Variants in ZNF469 observed in about 807,000 individuals in gnomAD.
The protein encoded by ZNF469 is zinc finger protein 469.
In ZNF469, 1 loss-of-function variant was observed where a neutral mutation model predicts 1.0. The ratio of observed to expected loss-of-function variants is 1.00; its 90% confidence interval spans 0.35 to 4.73. The LOEUF is 4.73. Among genes scored for constraint, ZNF469 ranks in the 30% most tolerant of loss-of-function variants. The probability of loss-of-function intolerance (pLI) is 0.16; values close to 1 mark genes in which losing one functional copy is unlikely to be tolerated. For missense variants in ZNF469, 6,100 were observed against 5,356.3 expected, an observed-to-expected ratio of 1.14 and a Z score of -4.33; for synonymous variants, 2,703 against 2,363.4, an observed-to-expected ratio of 1.14 and a Z score of -4.17.
In ZNF469 at chr16:88,430,917, C is replaced by A. The variant is rs1225496222; in HGVS notation, c.3447C>A (p.Asp1149Glu). Residue 1149 changes from aspartate (D) to glutamate (E), a missense_variant, in exon 3 of 3, where the codon GAC becomes GAA. Physicochemically the swap from Asp to Glu is conservative, Grantham distance 45. Coordinates refer to ENST00000565624, the MANE Select transcript of ZNF469 (RefSeq NM_001367624.2). ...CGGCGAGGCAGGAAGCCGGCGGGGACGGAGCCCCCGCGAACCCCGAGGAGC... is the reference window on the plus strand; with the variant it reads ...CGGCGAGGCAGGAAGCCGGCGGGGAAGGAGCCCCCGCGAACCCCGAGGAGC... ...RKAARQEAGGDGAPANPEEPG... is the reference protein window; with the variant it reads ...RKAARQEAGGEGAPANPEEPG... 6 of 1,536,736 alleles carry A rather than the reference C, an allele frequency of 3.9e-6. No individual in the cohort carries two copies. In the Admixed American group the frequency reaches 9.9e-5, roughly 25 times the overall value.
the ZNF469 span, among the ~76,000 whole-genome samples, chr16:88,320,361 G>T: frequency 6.6e-6 from 1 of 152,128 alleles, no homozygotes. Flanking sequence ...ATTTCTTAAA[G>T]GCTGACCACG....
At chr16:88,221,454 G>T in the ZNF469 span, among the ~76,000 whole-genome samples, 11 of 152,314 alleles carry the variant, frequency 7.2e-5, no homozygotes, top group Non-Finnish European at 4.4e-5. Flanking sequence ...GAGGTTGTGG[G>T]GCCAGGATAC....
the ZNF469 span, among the ~76,000 whole-genome samples, chr16:88,199,415 C>G: frequency 2.6e-5 from 4 of 152,236 alleles, no homozygotes; most frequent in Non-Finnish European, 4.4e-5. Context: ...TCCGCCGGCC[C>G]ACATGTCCCT....
chr16:88,243,926 ATATATATATATATATATATATAT>A, the ZNF469 span, among the ~76,000 whole-genome samples: 6 of 88,294 alleles, frequency 6.8e-5, no homozygotes, highest in South Asian at 1.1e-3. Context: ...ATATATATAT[ATATATATATATATATATATATAT>A]ATAAATGTAT....
chr16:88,256,899 T>TC, the ZNF469 span, among the ~76,000 whole-genome samples: 8 of 13,232 alleles, frequency 6.0e-4, no homozygotes, highest in Non-Finnish European at 8.2e-4. Flanking sequence ...TCTTTCCTTC[T>TC]TTCTTTCTTT....
the ZNF469 span, among the ~76,000 whole-genome samples, chr16:88,280,152 A>AT: frequency 6.7e-6 from 1 of 149,804 alleles, no homozygotes; most frequent in East Asian, 2.0e-4. Context: ...CTGTGTAGAT[A>AT]TCAGTGCACG....
At chr16:88,381,309 T>TC (rs2092524248), upstream of ZNF469, among the ~76,000 whole-genome samples, 1 of 124,274 alleles carries the variant, frequency 8.0e-6, no homozygotes, top group Admixed American at 8.0e-5. Context: ...CATGCACTCA[T>TC]GCACTCACAC....
chr16:88,400,642 GCTCTGTCC>G (rs1162597618), intron 1 of ZNF469, among the ~76,000 whole-genome samples: 1 of 152,174 alleles, frequency 6.6e-6, no homozygotes, highest in Non-Finnish European at 1.5e-5. Flanking sequence ...CCCAGAGCCA[GCTCTGTCC>G]CCACAGTCAT....
chr16:88,278,955 A>G, the ZNF469 span, among the ~76,000 whole-genome samples: 1 of 151,356 alleles, frequency 6.6e-6, no homozygotes, highest in Non-Finnish European at 1.5e-5. Context: ...GCGTGTAGAT[A>G]TCATTAGTGC....
In ZNF469 at chr16:88,434,442, G is replaced by A; in HGVS notation, c.6972G>A (p.Arg2324=). The A allele has an allele frequency of 6.5e-7, 1 of 1,549,752 alleles. No homozygotes were observed. The highest frequency in any genetic ancestry group is 8.7e-7 in the Non-Finnish European group (1 of 1,146,940). The part of the protein sequence containing the change: ...PPHTNPDRMP[R]GHSSYSPSNT... ...ACACCAACCCTGACAGGATGCCCAG[G>A]GGCCACTCCTCGTATTCTCCAAGCA... Residue 2324 remains arginine, a synonymous_variant, in exon 3 of 3, where the codon AGG becomes AGA. Coordinates refer to ENST00000565624, the MANE Select transcript of ZNF469 (RefSeq NM_001367624.2).
In ZNF469 at chr16:88,434,706, C is replaced by A. The variant is rs758501052; in HGVS notation, c.7236C>A (p.Ser2412Arg). 11 of 1,550,256 alleles carry A rather than the reference C, an allele frequency of 7.1e-6. No individual in the cohort carries two copies. In the African/African-American group the frequency reaches 1.2e-4, roughly 17 times the overall value. ...GCTTGGGAAGAACCACAGCCCCAAG[C>A]AGCACAGCCAGTGACTTCCAGTCTG... is the stretch of plus-strand genomic sequence containing the variant. ...GLGLGRTTAP[S>R]STASDFQSDS... is the part of the protein sequence containing the mutation. The change falls in exon 3 of 3, where the codon AGC becomes AGA. Residue 2412 changes from serine to arginine, a missense_variant. Transcript: ENST00000565624.
chr16:88,402,804 C>T (rs1238454320), intron 1 of ZNF469, among the ~76,000 whole-genome samples: 1 of 152,204 alleles, frequency 6.6e-6, no homozygotes, highest in African/African-American at 2.4e-5. Context: ...ACTGAACTCC[C>T]TTATGCACTT....
At chr16:88,112,170 G>C in the ZNF469 span, among the ~76,000 whole-genome samples, 21,956 of 150,928 alleles carry the variant, frequency 0.15, 1,989 homozygotes, top group East Asian at 0.34. Context: ...CAGGCGCGTT[G>C]GCTAACGCCT....
the ZNF469 span, among the ~76,000 whole-genome samples, chr16:88,254,379 T>C: frequency 6.6e-6 from 1 of 152,212 alleles, no homozygotes; most frequent in Non-Finnish European, 1.5e-5. Context: ...CATACACCAA[T>C]ATAATACTTT....
chr16:88,264,620 C>A, the ZNF469 span, among the ~76,000 whole-genome samples: 1 of 150,386 alleles, frequency 6.6e-6, no homozygotes, highest in African/African-American at 2.4e-5. Flanking sequence ...CCTCCCACAT[C>A]CCCCTCCCCA....
chr16:88,148,846 T>A, the ZNF469 span, among the ~76,000 whole-genome samples: 1 of 152,162 alleles, frequency 6.6e-6, no homozygotes, highest in Non-Finnish European at 1.5e-5. Context: ...CATCCCCTTG[T>A]GTGGCCATGA....
At chr16:88,427,322 T>G in intron 2 of ZNF469, 23 bp from the exon 3 acceptor site, 1 of 840,214 alleles carries the variant, frequency 1.2e-6, no homozygotes, top group Non-Finnish European at 1.7e-6. Context: ...TCTGCCCCAC[T>G]CACCCCTGAC....
chr16:88,293,553 A>C, the ZNF469 span, among the ~76,000 whole-genome samples: 1 of 152,144 alleles, frequency 6.6e-6, no homozygotes, highest in Non-Finnish European at 1.5e-5. Context: ...GGAAAGGGAA[A>C]TGATGATCCA....
chr16:88,135,960 T>G, the ZNF469 span, among the ~76,000 whole-genome samples: 1 of 151,778 alleles, frequency 6.6e-6, no homozygotes, highest in African/African-American at 2.4e-5. Flanking sequence ...GGGGTTTCAC[T>G]GTGTTAGCCA....
Sources: gnomAD v4.1 joint callset for allele counts (sites outside exome capture counted in the v4.1 genomes callset) on GRCh38, gnomAD v4.1.1 for gene constraint, MANE v1.5 for transcripts, NCBI Gene and HGNC (gene_info 2026-07-23, HGNC 2026-07-21) for gene names.